Variants in IGF2R observed in about 807,000 individuals in gnomAD.
IGF2R encodes insulin like growth factor 2 receptor.
IGF2R carries 91 observed loss-of-function variants against 270.6 expected under a neutral mutation model. The observed-to-expected ratio is 0.34, with a 90% CI of 0.28 to 0.40. The LOEUF (loss-of-function observed/expected upper bound fraction) is 0.40, where lower values mean the gene tolerates loss of function less well. Among genes scored for constraint, IGF2R ranks in the 10% least tolerant of loss-of-function variants. The pLI, the probability that IGF2R is intolerant of heterozygous loss-of-function variation, is 1.00. For synonymous variants in IGF2R, 1,316 were observed against 1,258.9 expected (o/e 1.05, Z -0.96); for missense variants, 2,805 against 3,188.3 (o/e 0.88, Z 2.90).
chr6:160,017,843 A>G (rs1276383154), intron 4 of IGF2R, among the ~76,000 whole-genome samples: 2 of 152,226 alleles, frequency 1.3e-5, no homozygotes, highest in Non-Finnish European at 2.9e-5. Flanking sequence ...GGACCATACA[A>G]TTAATGCCCA....
chr6:160,013,410 TAAAAAAA>T (rs34643864), intron 4 of IGF2R, among the ~76,000 whole-genome samples: 3 of 87,728 alleles, frequency 3.4e-5, no homozygotes, highest in Non-Finnish European at 6.9e-5. Context: ...TGGTTCTTTG[TAAAAAAA>T]AAAAAAAAAA....
intron 36 of IGF2R, among the ~76,000 whole-genome samples, chr6:160,077,957 C>T (rs1778890137): frequency 6.6e-6 from 1 of 152,242 alleles, no homozygotes; most frequent in Non-Finnish European, 1.5e-5. Context: ...TTGAGGCTTT[C>T]TCTCTAAGTA....
At chr6:160,085,969 C>A (rs1332003887) in intron 41 of IGF2R, among the ~76,000 whole-genome samples, 1 of 152,212 alleles carries the variant, frequency 6.6e-6, no homozygotes, top group Non-Finnish European at 1.5e-5. Context: ...CCACACTGCC[C>A]CAGAAGGGGG....
intron 45 of IGF2R, among the ~76,000 whole-genome samples, chr6:160,101,659 ATG>A (rs1311614776): frequency 6.6e-6 from 1 of 152,202 alleles, no homozygotes; most frequent in Non-Finnish European, 1.5e-5. Context: ...ATTTCTGTTT[ATG>A]TGATCCTGTT....
At chr6:160,079,208 T>C (rs1002662107) in intron 37 of IGF2R, among the ~76,000 whole-genome samples, 2 of 152,182 alleles carry the variant, frequency 1.3e-5, no homozygotes, top group African/African-American at 4.8e-5. Flanking sequence ...CAGCGTCGGC[T>C]CTGCTCATTC....
intron 1 of IGF2R, among the ~76,000 whole-genome samples, chr6:159,989,214 C>T (rs987263775): frequency 1.3e-5 from 2 of 152,120 alleles, no homozygotes; most frequent in African/African-American, 2.4e-5. Context: ...GATGGGTTCC[C>T]AGACCTAGGA....
intron 7 of IGF2R, among the ~76,000 whole-genome samples, chr6:160,030,872 G>A (rs895884595): frequency 2.7e-5 from 4 of 150,440 alleles, no homozygotes; most frequent in Non-Finnish European, 3.0e-5. Flanking sequence ...CGCCCCGGCC[G>A]GAGTGCAGTG....
chr6:160,049,030 C>T (rs1450792361), intron 18 of IGF2R, among the ~76,000 whole-genome samples: 1 of 152,054 alleles, frequency 6.6e-6, no homozygotes, highest in African/African-American at 2.4e-5. Flanking sequence ...CTCCTGTGGT[C>T]GTTGTACGTG....
rs1225769965 is a variant in IGF2R, at chr6:160,107,959, A to G, written c.*2875A>G. On this transcript the variant is annotated 3_prime_UTR_variant, in exon 48 of 48. Transcript: ENST00000356956. ...CACACGACTAAGATGCCACCTGGTG[A>G]TTAAAGAACACTTTGGGCTGGTCCG... is the stretch of plus-strand genomic sequence containing the variant. 2 of 152,244 alleles carry G rather than the reference A, an allele frequency of 1.3e-5. No individual in the cohort carries two copies. The highest frequency in any genetic ancestry group is 2.9e-5 in the Non-Finnish European group (2 of 68,046). The allele number at this position is 152,244 out of a possible 1,614,324, so 9.4% of individuals were successfully genotyped here. A position where few individuals can be genotyped will look rare whatever the true frequency, so the allele number is the denominator to read the frequency against.
chr6:160,104,639 G>A (rs1562381320), intron 47 of IGF2R, 35 bp from the exon 48 acceptor site: 1 of 1,586,896 alleles, frequency 6.3e-7, no homozygotes, highest in Non-Finnish European at 8.6e-7. Flanking sequence ...GTCTCTTAGG[G>A]GGCTCACGTG....
At chr6:159,990,434 A>G (rs1372213722) in intron 1 of IGF2R, among the ~76,000 whole-genome samples, 1 of 152,076 alleles carries the variant, frequency 6.6e-6, no homozygotes, top group Admixed American at 6.6e-5. Flanking sequence ...CTCCTTGCTG[A>G]AAAAGAATGT....
intron 10 of IGF2R, among the ~76,000 whole-genome samples, chr6:160,039,520 G>C (rs907435945): frequency 2.6e-5 from 4 of 152,178 alleles, no homozygotes; most frequent in Non-Finnish European, 5.9e-5. Context: ...TGCCGCTGTG[G>C]CTGGTATTAT....
rs34643864 is a variant in IGF2R at position 160,013,410 on chromosome 6, TAAA to T, written c.513+2646_513+2648del. ...AATGTAGATACCACATGGTTCTTTG[TAAA>T]AAAAAAAAAAAAAAAAAAAAGGTGC... On this transcript the variant is annotated intron_variant, in intron 4 of 47. Transcript: ENST00000356956. Among the ~76,000 whole-genome samples, 120 of 87,712 alleles carry T rather than the reference TAAA, an allele frequency of 1.4e-3. 1 individual carries two copies. The highest frequency in any genetic ancestry group is 4.5e-3 in the African/African-American group (100 of 22,466). 57.5% of individuals were successfully genotyped at this position (87,712 alleles called of 152,430 possible).
Position 160,058,921 on chromosome 6 carries a change from A to G in IGF2R, c.2914A>G (p.Thr972Ala). The G allele has an allele frequency of 6.2e-7, 1 of 1,614,210 alleles. No homozygotes were observed. The highest frequency in any genetic ancestry group is 8.5e-7 in the Non-Finnish European group (1 of 1,180,012). The change falls in exon 22 of 48, where the codon ACA (threonine) becomes GCA (alanine). Residue 972 changes from threonine (T) to alanine (A), a missense_variant. By Grantham distance (58) the Thr-to-Ala change is moderately conservative. Coordinates refer to ENST00000356956, the MANE Select transcript of IGF2R (RefSeq NM_000876.4). ...GKIFMFNVCG[T>A]MPVCGTILGK... ...TGACCTGCAGTTTAATGTCTGCGGCACAATGCCTGTCTGTGGGACCATCCT... is the reference window on the plus strand; with the variant it reads ...TGACCTGCAGTTTAATGTCTGCGGCGCAATGCCTGTCTGTGGGACCATCCT...
chr6:160,047,521 A>G (rs2282138), intron 16 of IGF2R, among the ~76,000 whole-genome samples, 185 bp downstream of exon 16: 9,099 of 152,284 alleles, frequency 0.06, 610 homozygotes, highest in East Asian at 0.32. Context: ...GCACCTTAAT[A>G]ACAGCCCACA....
chr6:159,996,414 A>G (rs1376527483), intron 2 of IGF2R, among the ~76,000 whole-genome samples: 3 of 152,146 alleles, frequency 2.0e-5, no homozygotes, highest in Non-Finnish European at 4.4e-5. Flanking sequence ...TGTGGAATGC[A>G]CAGTGGCCTG....
intron 46 of IGF2R, 27 bp from the exon 47 acceptor site, chr6:160,103,719 T>A: frequency 6.4e-7 from 1 of 1,559,842 alleles, no homozygotes; most frequent in East Asian, 2.2e-5. Flanking sequence ...TACACTGGAG[T>A]AATTATTGTC....
intron 10 of IGF2R, among the ~76,000 whole-genome samples, chr6:160,039,540 G>A (rs1777897562): frequency 6.6e-6 from 1 of 152,182 alleles, no homozygotes; most frequent in East Asian, 1.9e-4. Flanking sequence ...TAATTATAGT[G>A]ATGATAATAT....
chr6:160,095,311 C>T (rs1779329447), intron 44 of IGF2R: 1 of 152,544 alleles, frequency 6.6e-6, no homozygotes, highest in South Asian at 2.1e-4. Flanking sequence ...CCTGCATTCA[C>T]ACCTCTGCTG....
Sources: gnomAD v4.1 joint callset for allele counts (sites outside exome capture counted in the v4.1 genomes callset) on GRCh38, gnomAD v4.1.1 for gene constraint, MANE v1.5 for transcripts, NCBI Gene and HGNC (gene_info 2026-07-23, HGNC 2026-07-21) for gene names.